The following TENM4 variants were observed in gnomAD, a reference collection of about 807,000 sequenced individuals.
TENM4 encodes the protein teneurin transmembrane protein 4, also known as teneurin-4.
In TENM4, 82 loss-of-function variants were observed where a neutral mutation model predicts 243.3. That is an observed-to-expected ratio of 0.34 (90% confidence interval 0.28 to 0.40). The LOEUF (loss-of-function observed/expected upper bound fraction) is 0.40, where lower values mean the gene tolerates loss of function less well. Among genes scored for constraint, TENM4 ranks in the 10% least tolerant of loss-of-function variants. TENM4 has a pLI of 1.00. For synonymous variants in TENM4, 1,412 were observed against 1,456.3 expected, an observed-to-expected ratio of 0.97 and a Z score of 0.69; for missense variants, 3,138 against 3,673.3, an observed-to-expected ratio of 0.85 and a Z score of 3.77.
At chr11:79,333,798 T>G (rs1229523287) in intron 1 of TENM4, among the ~76,000 whole-genome samples, 1 of 152,308 alleles carries the variant, frequency 6.6e-6, no homozygotes, top group East Asian at 1.9e-4. Flanking sequence ...TTCCAGCAAT[T>G]AAAAAGTAAG....
At chr11:78,974,583 C>T (rs1857609301) in intron 6 of TENM4, among the ~76,000 whole-genome samples, 1 of 152,144 alleles carries the variant, frequency 6.6e-6, no homozygotes, top group African/African-American at 2.4e-5. Context: ...GAGTCCTGTG[C>T]AGAGTAAATG....
At position 79,348,495 on chromosome 11, in the gene TENM4, T is replaced by A. The variant is rs1274881746; in HGVS notation, c.-320-50952A>T. ...TATGCAATAGTTACAGACAGAATGA[T>A]TGCATCTTCACAAAATTCATTGTTG... On this transcript the variant is annotated intron_variant, in intron 1 of 33. Transcript: ENST00000278550. 2.0e-5 allele frequency among the ~76,000 whole-genome samples: 3 copies of A among 152,214 alleles called. No individual in the cohort carries two copies. In the East Asian group the frequency reaches 5.8e-4, roughly 29 times the overall value.
chr11:78,940,118 C>T (rs1464724031), intron 6 of TENM4, among the ~76,000 whole-genome samples: 1 of 152,100 alleles, frequency 6.6e-6, no homozygotes, highest in African/African-American at 2.4e-5. Context: ...ACATTTCCTC[C>T]TAGTCTTTTC....
intron 1 of TENM4, among the ~76,000 whole-genome samples, chr11:79,361,989 T>C (rs1857597309): frequency 6.6e-6 from 1 of 152,168 alleles, no homozygotes; most frequent in African/African-American, 2.4e-5. Flanking sequence ...ACACAGTACA[T>C]ATTTGTGACA....
chr11:79,343,467 G>C (rs914611839), intron 1 of TENM4, among the ~76,000 whole-genome samples: 5 of 151,670 alleles, frequency 3.3e-5, no homozygotes, highest in African/African-American at 1.2e-4. Flanking sequence ...AAATGGGTAT[G>C]ACAAAAAAAA....
At chr11:78,854,915 A>G (rs1245409291) in intron 11 of TENM4, among the ~76,000 whole-genome samples, 1 of 152,248 alleles carries the variant, frequency 6.6e-6, no homozygotes, top group Non-Finnish European at 1.5e-5. Context: ...ATCAATAATT[A>G]CATGCTGTGT....
chr11:79,197,754 G>A (rs955998850), intron 3 of TENM4, among the ~76,000 whole-genome samples: 4 of 152,310 alleles, frequency 2.6e-5, no homozygotes, highest in South Asian at 2.1e-4. Context: ...GCTGGGGGAC[G>A]TGGTGGGGGG....
intron 3 of TENM4, among the ~76,000 whole-genome samples, chr11:79,201,834 G>A (rs561083621): frequency 6.6e-6 from 1 of 152,214 alleles, no homozygotes; most frequent in Non-Finnish European, 1.5e-5. Flanking sequence ...GGGAAGATCA[G>A]TGTGGGCTGG....
intron 6 of TENM4, among the ~76,000 whole-genome samples, chr11:79,052,823 C>T (rs553851388): frequency 2.4e-4 from 36 of 152,294 alleles, no homozygotes; most frequent in African/African-American, 8.4e-4. Context: ...GCCTTCCTCC[C>T]ACAGACTATT....
chr11:78,698,987 C>T (rs1369746175), intron 28 of TENM4, among the ~76,000 whole-genome samples: 6 of 152,232 alleles, frequency 3.9e-5, no homozygotes, highest in Non-Finnish European at 2.9e-5. Context: ...CTCTTCTCAC[C>T]TGACCTCTGA....
chr11:79,067,243 T>A (rs900818627), intron 5 of TENM4, among the ~76,000 whole-genome samples: 4 of 152,172 alleles, frequency 2.6e-5, no homozygotes, highest in African/African-American at 7.2e-5. Flanking sequence ...CGTGCCCTAC[T>A]CCAATCTGCC....
chr11:79,266,749 T>A (rs1242795789), intron 2 of TENM4, among the ~76,000 whole-genome samples: 2 of 152,164 alleles, frequency 1.3e-5, no homozygotes, highest in Non-Finnish European at 2.9e-5. Flanking sequence ...AGAGGCACAC[T>A]AGTAGTGACC....
chr11:79,109,498 G>T (rs920277178), intron 4 of TENM4, among the ~76,000 whole-genome samples: 3 of 152,190 alleles, frequency 2.0e-5, no homozygotes, highest in African/African-American at 7.2e-5. Flanking sequence ...GAGACAGATA[G>T]AAGTGAGAGG....
In TENM4 at chr11:79,349,858, A is replaced by C. The variant is rs549131891; in HGVS notation, c.-320-52315T>G. ...CAGTCCAGACTCACAAAGCAGTTAG[A>C]TAGTAGGGCCTAGAGGAGAATTCAT... On this transcript the variant is annotated intron_variant, in intron 1 of 33. Coordinates refer to ENST00000278550, the MANE Select transcript of TENM4 (RefSeq NM_001098816.3). Among the ~76,000 whole-genome samples, 8 of 152,330 alleles carry C rather than the reference A, an allele frequency of 5.3e-5. No homozygotes were observed. In the East Asian group the frequency reaches 9.6e-4, roughly 18 times the overall value.
intron 4 of TENM4, among the ~76,000 whole-genome samples, chr11:79,145,887 A>G (rs944099173): frequency 3.3e-5 from 5 of 152,014 alleles, no homozygotes; most frequent in Non-Finnish European, 5.9e-5. Context: ...TAAAAATGTT[A>G]TGTGCTTTTT....
chr11:79,031,424 G>C (rs999917639), intron 6 of TENM4, among the ~76,000 whole-genome samples: 1 of 152,160 alleles, frequency 6.6e-6, no homozygotes, highest in South Asian at 2.1e-4. Flanking sequence ...CCAGGGTGGG[G>C]AGTCAGCAGG....
chr11:79,361,915 A>C (rs969561212), intron 1 of TENM4, among the ~76,000 whole-genome samples: 1 of 152,218 alleles, frequency 6.6e-6, no homozygotes, highest in African/African-American at 2.4e-5. Context: ...CCTGTATCAT[A>C]GAAATGCAAG....
intron 6 of TENM4, among the ~76,000 whole-genome samples, chr11:78,962,602 G>A (rs1857353754): frequency 1.3e-5 from 2 of 152,102 alleles, no homozygotes; most frequent in African/African-American, 2.4e-5. Flanking sequence ...GGAAGCACAC[G>A]GAAAGCCTTT....
Position 79,138,746 on chromosome 11 carries a change from TACATTATATTTATATAAATACATAAAACA to T in TENM4, c.-66+9935_-66+9963del, listed in dbSNP as rs1862177668. On this transcript the variant is annotated intron_variant, in intron 4 of 33. Coordinates refer to ENST00000278550, the MANE Select transcript of TENM4 (RefSeq NM_001098816.3). ...TATATTTATATAAATACATAAAACA[TACATTATATTTATATAAATACATAAAACA>T]TACATTATATTTATATAAATACATA... Among the ~76,000 whole-genome samples, 3 of 110,998 alleles carry T rather than the reference TACATTATATTTATATAAATACATAAAACA, an allele frequency of 2.7e-5. No individual in the cohort carries two copies. The Admixed American group carries it at 3.6e-4, about 13-fold the overall frequency. 72.8% of individuals were successfully genotyped at this position (110,998 alleles called of 152,430 possible). A position where few individuals can be genotyped will look rare whatever the true frequency, so the allele number is the denominator to read the frequency against.
Sources: gnomAD v4.1 joint callset for allele counts (sites outside exome capture counted in the v4.1 genomes callset) on GRCh38, gnomAD v4.1.1 for gene constraint, MANE v1.5 for transcripts, NCBI Gene and HGNC (gene_info 2026-07-23, HGNC 2026-07-21) for gene names.